CMSS1: variants seen among roughly 807,000 people sequenced by gnomAD.
The protein encoded by CMSS1 is protein CMSS1.
A neutral mutation model predicts 43.5 loss-of-function variants in CMSS1; 33 were observed. The ratio of observed to expected loss-of-function variants is 0.76; its 90% CI spans 0.57 to 1.01. The LOEUF (loss-of-function observed/expected upper bound fraction) is 1.01, where lower values mean the gene tolerates loss of function less well. CMSS1 is among the 50% of genes least tolerant of loss of function. The pLI, the probability that CMSS1 is intolerant of heterozygous loss-of-function variation, is 0.00. For synonymous variants in CMSS1, 115 were observed against 117.2 expected (o/e 0.98, Z 0.12); for missense variants, 313 against 326.4 (o/e 0.96, Z 0.32).
intron 1 of CMSS1, among the ~76,000 whole-genome samples, chr3:100,139,170 A>G (rs2066781059): frequency 6.6e-6 from 1 of 152,132 alleles, no homozygotes; most frequent in South Asian, 2.1e-4. Context: ...GGAGGGGACC[A>G]TCACACACCA....
At chr3:99,989,290 G>A (rs1419510344) in intron 1 of CMSS1, among the ~76,000 whole-genome samples, 1 of 152,166 alleles carries the variant, frequency 6.6e-6, no homozygotes, top group African/African-American at 2.4e-5. Context: ...TGCTTTCTCA[G>A]GGGCTCTTGA....
chr3:99,854,028 T>G (rs1576515346), intron 1 of CMSS1, among the ~76,000 whole-genome samples: 1 of 152,178 alleles, frequency 6.6e-6, no homozygotes, highest in East Asian at 1.9e-4. Context: ...GAAAGACAGC[T>G]GGTTATGCTA....
chr3:100,137,612 G>A (rs1393773572), intron 1 of CMSS1, among the ~76,000 whole-genome samples: 1 of 151,534 alleles, frequency 6.6e-6, no homozygotes, highest in Non-Finnish European at 1.5e-5. Flanking sequence ...GCCCAGGCTG[G>A]AGTGCAGTGG....
chr3:99,828,411 A>ATT (rs3037708), intron 1 of CMSS1, among the ~76,000 whole-genome samples: 21,223 of 139,438 alleles, frequency 0.15, 1,922 homozygotes, highest in African/African-American at 0.23. Context: ...ACATACGTGT[A>ATT]TTTTTTTTTT....
At chr3:99,936,497 T>C in intron 1 of CMSS1, among the ~76,000 whole-genome samples, 1 of 140,286 alleles carries the variant, frequency 7.1e-6, no homozygotes, top group African/African-American at 2.7e-5. Context: ...TGCCTCAGCC[T>C]CCCAAGTAGC....
chr3:100,030,314 C>G (rs771817805), intron 1 of CMSS1, among the ~76,000 whole-genome samples: 1 of 152,122 alleles, frequency 6.6e-6, no homozygotes, highest in Non-Finnish European at 1.5e-5. Context: ...AGTCAGTGAT[C>G]AGGCCAAAAC....
chr3:99,944,139 A>G (rs1282951647), intron 1 of CMSS1, among the ~76,000 whole-genome samples: 8 of 152,190 alleles, frequency 5.3e-5, no homozygotes, highest in Admixed American at 5.2e-4. Context: ...CTCAGGCCCT[A>G]CCTCACCAAA....
intron 1 of CMSS1, among the ~76,000 whole-genome samples, chr3:99,851,456 A>G (rs1344495903): frequency 1.3e-5 from 2 of 152,232 alleles, no homozygotes; most frequent in Non-Finnish European, 2.9e-5. Context: ...TTACCAACTA[A>G]TTGATCTGGG....
At chr3:99,983,748 A>C (rs888254716) in intron 1 of CMSS1, among the ~76,000 whole-genome samples, 3 of 151,258 alleles carry the variant, frequency 2.0e-5, no homozygotes, top group African/African-American at 7.3e-5. Flanking sequence ...TCTGTTTCCA[A>C]CTGTTCAGAC....
intron 1 of CMSS1, among the ~76,000 whole-genome samples, chr3:99,976,390 A>G (rs1398307336): frequency 1.3e-5 from 2 of 152,242 alleles, no homozygotes; most frequent in Non-Finnish European, 2.9e-5. Flanking sequence ...TAAGTAAGTT[A>G]TTAAACTGTG....
At chr3:99,842,953 T>TAG (rs1374400234) in intron 1 of CMSS1, among the ~76,000 whole-genome samples, 1 of 152,222 alleles carries the variant, frequency 6.6e-6, no homozygotes, top group African/African-American at 2.4e-5. Context: ...GCTGCTCTGA[T>TAG]ATATTGACTG....
At chr3:100,027,600 C>G (rs971160852) in intron 1 of CMSS1, among the ~76,000 whole-genome samples, 1 of 152,102 alleles carries the variant, frequency 6.6e-6, no homozygotes, top group Admixed American at 6.6e-5. Context: ...TGCTCAACTT[C>G]GATACATGCT....
At chr3:100,171,310 A>G (rs1011121781) in intron 6 of CMSS1, among the ~76,000 whole-genome samples, 5 of 152,070 alleles carry the variant, frequency 3.3e-5, no homozygotes, top group Admixed American at 2.0e-4. Context: ...AAAGTAGATA[A>G]GAAAGGACAG....
At chr3:100,018,693 TA>T in intron 1 of CMSS1, among the ~76,000 whole-genome samples, 1 of 131,834 alleles carries the variant, frequency 7.6e-6, no homozygotes, top group Non-Finnish European at 1.6e-5. Flanking sequence ...AAAGCAAGAA[TA>T]GATGAATGAA....
intron 1 of CMSS1, among the ~76,000 whole-genome samples, chr3:99,920,842 C>T (rs1277395092): frequency 2.0e-5 from 3 of 152,198 alleles, no homozygotes; most frequent in Non-Finnish European, 4.4e-5. Context: ...TTATTACATC[C>T]TCTGAGGTCT....
chr3:100,099,707 C>T (rs1032204116), intron 1 of CMSS1, among the ~76,000 whole-genome samples: 3 of 152,048 alleles, frequency 2.0e-5, no homozygotes, highest in Admixed American at 6.6e-5. Context: ...AAATACCCAC[C>T]GTGTGCCAGA....
chr3:99,900,879 C>T (rs1706413737), intron 1 of CMSS1, among the ~76,000 whole-genome samples: 1 of 152,186 alleles, frequency 6.6e-6, no homozygotes, highest in Non-Finnish European at 1.5e-5. Flanking sequence ...GTTAGAAGCA[C>T]TGATCTAAAG....
At chr3:100,119,871 A>G (rs1455539747) in intron 1 of CMSS1, among the ~76,000 whole-genome samples, 1 of 152,202 alleles carries the variant, frequency 6.6e-6, no homozygotes, top group African/African-American at 2.4e-5. Flanking sequence ...TATATGTAAA[A>G]TTGAAAGTTC....
chr3:99,999,417 G>A (rs192005098), intron 1 of CMSS1, among the ~76,000 whole-genome samples: 1 of 152,162 alleles, frequency 6.6e-6, no homozygotes, highest in South Asian at 2.1e-4. Flanking sequence ...TGGATGGATG[G>A]GTGGGTGAGT....
Sources: gnomAD v4.1 joint callset for allele counts (sites outside exome capture counted in the v4.1 genomes callset) on GRCh38, gnomAD v4.1.1 for gene constraint, MANE v1.5 for transcripts, NCBI Gene and HGNC (gene_info 2026-07-23, HGNC 2026-07-21) for gene names.